The following SENP7 variants were observed in gnomAD, a reference collection of about 807,000 sequenced individuals.
SENP7 encodes SUMO specific peptidase 7, also known as sentrin-specific protease 7.
A neutral mutation model predicts 141.2 loss-of-function variants in SENP7; 64 were observed. That is an observed-to-expected ratio of 0.45 (90% confidence interval 0.37 to 0.56). The LOEUF is 0.56. Among genes scored for constraint, SENP7 ranks in the 20% least tolerant of loss-of-function variants. The pLI, the probability that SENP7 is intolerant of heterozygous loss-of-function variation, is 0.00. For missense variants in SENP7, 1,025 were observed against 1,212.2 expected, an observed-to-expected ratio of 0.85 and a Z score of 2.29; for synonymous variants, 382 against 426.4, an observed-to-expected ratio of 0.90 and a Z score of 1.28.
At chr3:101,510,300 A>T (rs935371865) in intron 1 of SENP7, among the ~76,000 whole-genome samples, 2 of 152,220 alleles carry the variant, frequency 1.3e-5, no homozygotes, top group Admixed American at 6.5e-5. Flanking sequence ...TTACAAATAC[A>T]TGTGTTTAGC....
chr3:101,442,514 C>T lies in SENP7; in HGVS notation c.284+16441G>A, dbSNP rs534491042. On this transcript the variant is annotated intron_variant, in intron 4 of 23. Transcript: ENST00000394095. ...GCAGTAATATTCACTCACCTGCCACCCACCCCCTGGCTCTGCGGCCTGGTT... is the reference window on the plus strand; with the variant it reads ...GCAGTAATATTCACTCACCTGCCACTCACCCCCTGGCTCTGCGGCCTGGTT... Among the ~76,000 whole-genome samples the T allele has an allele frequency of 9.2e-5, 14 of 152,232 alleles. No individual in the cohort carries two copies. In the South Asian group the frequency reaches 2.9e-3, roughly 32 times the overall value.
At chr3:101,334,445 T>C (rs1311628635) in intron 17 of SENP7, among the ~76,000 whole-genome samples, 2 of 152,116 alleles carry the variant, frequency 1.3e-5, no homozygotes, top group Non-Finnish European at 2.9e-5. Context: ...TACATTCTTA[T>C]ATAATTTTTA....
intron 19 of SENP7, 36 bp from the exon 20 acceptor site, chr3:101,330,422 T>C: frequency 7.0e-7 from 1 of 1,434,172 alleles, no homozygotes; most frequent in South Asian, 1.2e-5. Flanking sequence ...TGAGTGTTTA[T>C]TGCATGTTTT....
intron 13 of SENP7, among the ~76,000 whole-genome samples, chr3:101,346,946 A>G (rs1362864409): frequency 6.6e-6 from 1 of 151,884 alleles, no homozygotes; most frequent in African/African-American, 2.4e-5. Context: ...TGTTTAAAAA[A>G]AGGAGGAGGA....
chr3:101,456,478 T>A (rs1193938513), intron 4 of SENP7, among the ~76,000 whole-genome samples: 1 of 152,172 alleles, frequency 6.6e-6, no homozygotes, highest in Admixed American at 6.5e-5. Flanking sequence ...TATCATTAAG[T>A]GTATATTAAA....
At chr3:101,447,944 T>C (rs1405209044) in intron 4 of SENP7, among the ~76,000 whole-genome samples, 1 of 152,192 alleles carries the variant, frequency 6.6e-6, no homozygotes, top group Non-Finnish European at 1.5e-5. Flanking sequence ...TACTATCAAT[T>C]GATATCTCAC....
intron 6 of SENP7, among the ~76,000 whole-genome samples, chr3:101,393,374 A>T (rs1158699932): frequency 6.6e-6 from 1 of 152,188 alleles, no homozygotes; most frequent in Non-Finnish European, 1.5e-5. Flanking sequence ...TGTACAACCA[A>T]TGAAATCATT....
chr3:101,357,904 A>G (rs2059786732), intron 11 of SENP7: 1 of 585,452 alleles, frequency 1.7e-6, no homozygotes, highest in Non-Finnish European at 3.0e-6. Flanking sequence ...CACATAAGAT[A>G]ATTCACACTG....
At chr3:101,444,815 C>T (rs1270443682) in intron 4 of SENP7, among the ~76,000 whole-genome samples, 2 of 151,426 alleles carry the variant, frequency 1.3e-5, no homozygotes, top group East Asian at 1.9e-4. Context: ...GTGGGTGCAG[C>T]GCACCAGCAT....
At chr3:101,463,857 T>C (rs1300881544) in intron 3 of SENP7, among the ~76,000 whole-genome samples, 2 of 152,162 alleles carry the variant, frequency 1.3e-5, no homozygotes, top group African/African-American at 4.8e-5. Flanking sequence ...GGAGTTTTAC[T>C]CTTGTTGCCC....
At chr3:101,442,670 A>G (rs565950111) in intron 4 of SENP7, among the ~76,000 whole-genome samples, 58 of 152,360 alleles carry the variant, frequency 3.8e-4, no homozygotes, top group African/African-American at 1.3e-3. Context: ...AATTCAGGAT[A>G]TAAGTGAGAA....
chr3:101,513,078 G>T lies in SENP7; in HGVS notation c.40+13C>A. On this transcript the variant is annotated intron_variant, in intron 1 of 23. Coordinates refer to ENST00000394095, the MANE Select transcript of SENP7 (RefSeq NM_020654.5). The stretch of plus-strand genomic sequence containing the variant: ...GAGACAATATGTTCAGCCCTTCTCT[G>T]ACCCTTTCTCACCGGATGAAGATGG... 6.2e-7 allele frequency: 1 copy of T among 1,612,986 alleles called. No individual in the cohort carries two copies. The highest frequency in any genetic ancestry group is 8.5e-7 in the Non-Finnish European group (1 of 1,179,336).
At chr3:101,369,552 C>T (rs896095868) in intron 7 of SENP7, among the ~76,000 whole-genome samples, 24 of 152,276 alleles carry the variant, frequency 1.6e-4, no homozygotes, top group African/African-American at 5.8e-4. Flanking sequence ...AAATCATCAA[C>T]ACAATATTTA....
At chr3:101,450,247 C>G in intron 4 of SENP7, among the ~76,000 whole-genome samples, 1 of 152,138 alleles carries the variant, frequency 6.6e-6, no homozygotes, top group East Asian at 1.9e-4. Context: ...AGTTAAGACT[C>G]CCACACAATA....
At chr3:101,493,701 T>C (rs879109755) in intron 3 of SENP7, among the ~76,000 whole-genome samples, 172 bp downstream of exon 3, 2 of 152,140 alleles carry the variant, frequency 1.3e-5, no homozygotes, top group South Asian at 4.1e-4. Context: ...ACGAAGAGCC[T>C]AACCTCAAAG....
intron 3 of SENP7, among the ~76,000 whole-genome samples, chr3:101,473,690 T>TTTAC (rs1407871459): frequency 6.6e-6 from 1 of 152,206 alleles, no homozygotes; most frequent in African/African-American, 2.4e-5. Flanking sequence ...ACACTGTCTG[T>TTTAC]TTACTCTGTT....
intron 7 of SENP7, among the ~76,000 whole-genome samples, chr3:101,368,638 G>T (rs891145405): frequency 2.6e-5 from 4 of 151,416 alleles, no homozygotes; most frequent in African/African-American, 9.7e-5. Context: ...TGTGAAAGAT[G>T]AGTTAATGGG....
intron 4 of SENP7, among the ~76,000 whole-genome samples, chr3:101,441,848 C>G (rs2062687020): frequency 6.6e-6 from 1 of 152,160 alleles, no homozygotes; most frequent in Non-Finnish European, 1.5e-5. Flanking sequence ...CGTTAGAAAC[C>G]ACAGATTCAC....
At chr3:101,329,470 T>C (rs768468789) in intron 20 of SENP7, among the ~76,000 whole-genome samples, 53 of 152,078 alleles carry the variant, frequency 3.5e-4, no homozygotes, top group Non-Finnish European at 5.9e-4. Context: ...GGGAGTCTGC[T>C]GCTATTTGTA....
Sources: gnomAD v4.1 joint callset for allele counts (sites outside exome capture counted in the v4.1 genomes callset) on GRCh38, gnomAD v4.1.1 for gene constraint, MANE v1.5 for transcripts, NCBI Gene and HGNC (gene_info 2026-07-23, HGNC 2026-07-21) for gene names.